The following CEP85 variants were observed in gnomAD, a reference collection of about 807,000 sequenced individuals.
CEP85 encodes centrosomal protein 85.
Under a neutral mutation model 93.7 loss-of-function variants are expected in CEP85, and 58 were observed. The ratio of observed to expected loss-of-function variants is 0.62; its 90% confidence interval spans 0.50 to 0.77. CEP85 has a LOEUF of 0.77. Among genes scored for constraint, CEP85 ranks in the 30% least tolerant of loss-of-function variants. The pLI, the probability that CEP85 is intolerant of heterozygous loss-of-function variation, is 0.00. For missense variants in CEP85, 868 were observed against 922.0 expected (o/e 0.94, Z 0.76); for synonymous variants, 314 against 338.6 (o/e 0.93, Z 0.80).
At chr1:26,265,076 C>G (rs545606377) in intron 7 of CEP85, among the ~76,000 whole-genome samples, 2 of 150,532 alleles carry the variant, frequency 1.3e-5, no homozygotes, top group Non-Finnish European at 3.0e-5. Context: ...CTCCATCTCC[C>G]GGGTTCAAGC....
chr1:26,259,368 T>A (rs2089771292), intron 6 of CEP85, among the ~76,000 whole-genome samples: 1 of 152,140 alleles, frequency 6.6e-6, no homozygotes. Flanking sequence ...AAAATACAGA[T>A]TATTGGGACC....
intron 3 of CEP85, among the ~76,000 whole-genome samples, chr1:26,248,722 CTTTTTTT>C (rs573449499): frequency 2.1e-4 from 12 of 56,214 alleles, no homozygotes; most frequent in African/African-American, 8.1e-4. Context: ...GTCTTGAACT[CTTTTTTT>C]TTTTTTTTTT....
intron 1 of CEP85, among the ~76,000 whole-genome samples, chr1:26,236,595 A>G (rs1416553504): frequency 6.6e-6 from 1 of 152,052 alleles, no homozygotes; most frequent in Non-Finnish European, 1.5e-5. Context: ...TTTACTCCTT[A>G]CGGGGTTTCT....
At chr1:26,240,863 A>C (rs919603508) in intron 2 of CEP85, among the ~76,000 whole-genome samples, 5 of 151,586 alleles carry the variant, frequency 3.3e-5, no homozygotes, top group African/African-American at 1.2e-4. Context: ...ACGCCACTGC[A>C]CTCCAGCCTG....
intron 1 of CEP85, among the ~76,000 whole-genome samples, chr1:26,238,148 A>G (rs1043170323): frequency 4.1e-5 from 6 of 145,486 alleles, no homozygotes; most frequent in African/African-American, 1.5e-4. Flanking sequence ...ATAGTACCAT[A>G]TAGTCTTTTT....
chr1:26,234,458 G>C (rs1023853272), intron 1 of CEP85, 148 bp downstream of exon 1: 1 of 152,208 alleles, frequency 6.6e-6, no homozygotes, highest in Non-Finnish European at 1.5e-5. Context: ...CGAAGCCAGT[G>C]CCCCGGCATA....
At chr1:26,237,195 A>AT (rs111846030) in intron 1 of CEP85, among the ~76,000 whole-genome samples, 8 of 149,474 alleles carry the variant, frequency 5.4e-5, no homozygotes, top group East Asian at 3.9e-4. Context: ...ATGTCTTAGA[A>AT]TTTTTTTTTT....
chr1:26,259,287 T>G (rs1351211823), intron 6 of CEP85, among the ~76,000 whole-genome samples: 1 of 152,202 alleles, frequency 6.6e-6, no homozygotes, highest in Non-Finnish European at 1.5e-5. Flanking sequence ...CAGTATACAA[T>G]GGCTTAGGTA....
chr1:26,255,470 C>G lies in CEP85; in HGVS notation c.508C>G (p.His170Asp). ...IEQSWFPAVG[H>D]ERQEEARKFD... ...GCAGTCCTGGTTTCCAGCAGTGGGC[C>G]ATGAAAGACAAGAAGAGGCGAGGAA... is the stretch of plus-strand genomic sequence containing the variant. The change falls in exon 4 of 14, where the codon CAT becomes GAT. Residue 170 changes from histidine to aspartate, a missense_variant. Coordinates refer to ENST00000451429, the MANE Select transcript of CEP85 (RefSeq NM_001319944.2). 4 of 1,614,044 alleles carry G rather than the reference C, an allele frequency of 2.5e-6. No homozygotes were observed. The highest frequency in any genetic ancestry group is 3.4e-6 in the Non-Finnish European group (4 of 1,180,022).
rs1012383216 is a variant in CEP85, at chr1:26,263,991, G to T, written c.1341+4189G>T. On this transcript the variant is annotated intron_variant, in intron 7 of 13. Coordinates refer to ENST00000451429, the MANE Select transcript of CEP85 (RefSeq NM_001319944.2). ...AAGGTGGTCTTGGAACCAGTCCCCC[G>T]TGTACACCAAGGGACGACTGTATTT... is the stretch of plus-strand genomic sequence containing the variant. Among the ~76,000 whole-genome samples the T allele has an allele frequency of 2.0e-5, 3 of 152,166 alleles. No homozygotes were observed. The East Asian group carries it at 5.8e-4, about 29-fold the overall frequency.
chr1:26,269,305 T>C (rs1045700059), intron 8 of CEP85, 155 bp from the exon 9 acceptor site: 6 of 662,910 alleles, frequency 9.1e-6, no homozygotes, highest in Middle Eastern at 8.3e-4. Context: ...TTGTTCCATC[T>C]GCGAGGAGCA....
At position 26,269,545 on chromosome 1, in the gene CEP85, G is replaced by A; in HGVS notation, c.1580G>A (p.Cys527Tyr). Residue 527 changes from cysteine (C) to tyrosine (Y), a missense_variant, in exon 9 of 14, where the codon TGC (cysteine) becomes TAC (tyrosine). Coordinates refer to ENST00000451429, the MANE Select transcript of CEP85 (RefSeq NM_001319944.2). The part of the protein sequence containing the change: ...ESLLEETQAI[C>Y]REKEIQLESL... ...TTGCTGGAGGAGACCCAGGCAATCT[G>A]CAGAGAGAAGGAGATTCAACTGGAA... The A allele has an allele frequency of 1.2e-6, 2 of 1,614,022 alleles. No individual in the cohort carries two copies. The highest frequency in any genetic ancestry group is 1.3e-5 in the African/African-American group (1 of 75,014).
Position 26,255,381 on chromosome 1 carries a change from ATTC to A in CEP85, c.421_423del (p.Ser141del). On this transcript the variant is annotated inframe_deletion, in exon 4 of 14. Transcript: ENST00000451429. ...AATGGAGACCTCGGTGCAATGAAACATTCTCCAGGCCTATCTAGAGATCTCATG... is the reference window on the plus strand; with the variant it reads ...AATGGAGACCTCGGTGCAATGAAACATCCAGGCCTATCTAGAGATCTCATG... The A allele has an allele frequency of 6.2e-7, 1 of 1,614,064 alleles. No individual in the cohort carries two copies. The highest frequency in any genetic ancestry group is 8.5e-7 in the Non-Finnish European group (1 of 1,180,014).
At chr1:26,237,538 C>G (rs1449694737) in intron 1 of CEP85, among the ~76,000 whole-genome samples, 1 of 152,182 alleles carries the variant, frequency 6.6e-6, no homozygotes, top group Admixed American at 6.5e-5. Flanking sequence ...CCTTTTATTG[C>G]TGAATAATAC....
At chr1:26,273,020 A>C (rs1264258856) in intron 11 of CEP85, among the ~76,000 whole-genome samples, 1 of 152,138 alleles carries the variant, frequency 6.6e-6, no homozygotes, top group Non-Finnish European at 1.5e-5. Context: ...AGAAAGGTCC[A>C]GGGGGACTGT....
Position 26,255,379 on chromosome 1 carries a change from A to G in CEP85, c.417A>G (p.Lys139=). Residue 139 remains lysine, a synonymous_variant, in exon 4 of 14, where the codon AAA becomes AAG. Coordinates refer to ENST00000451429, the MANE Select transcript of CEP85 (RefSeq NM_001319944.2). ...GAAATGGAGACCTCGGTGCAATGAA[A>G]CATTCTCCAGGCCTATCTAGAGATC... ...MTRNGDLGAM[K]HSPGLSRDLM... is the part of the protein sequence containing the mutation. 6.2e-7 allele frequency: 1 copy of G among 1,614,104 alleles called. No homozygotes were observed. Among genetic ancestry groups the G allele is most frequent in the Non-Finnish European group, 8.5e-7 (1 of 1,180,018 alleles).
In CEP85 at chr1:26,266,342, G is replaced by A. The variant is rs569615753; in HGVS notation, c.1342-2141G>A. Among the ~76,000 whole-genome samples, 19 of 152,340 alleles carry A rather than the reference G, an allele frequency of 1.2e-4. No individual in the cohort carries two copies. In the East Asian group the frequency reaches 2.7e-3, roughly 22 times the overall value. On this transcript the variant is annotated intron_variant, in intron 7 of 13. Transcript: ENST00000451429. ...GTCAAGGCTGCAGTGGGCTGTGTCC[G>A]TGTCACTGCACTTCAGCATGGGTGA...
intron 8 of CEP85, 103 bp downstream of exon 8, chr1:26,268,738 G>A (rs2089929385): frequency 1.7e-6 from 2 of 1,202,196 alleles, no homozygotes; most frequent in Non-Finnish European, 2.3e-6. Flanking sequence ...CTTGCTGAAA[G>A]GAGAATCCCA....
chr1:26,262,600 TGGTACCACA>T (rs1231170514), intron 7 of CEP85, among the ~76,000 whole-genome samples: 1 of 152,156 alleles, frequency 6.6e-6, no homozygotes, highest in African/African-American at 2.4e-5. Flanking sequence ...AATGATCCAC[TGGTACCACA>T]GATGATAGAG....
Sources: gnomAD v4.1 joint callset for allele counts (sites outside exome capture counted in the v4.1 genomes callset) on GRCh38, gnomAD v4.1.1 for gene constraint, MANE v1.5 for transcripts, NCBI Gene and HGNC (gene_info 2026-07-23, HGNC 2026-07-21) for gene names.